C15orf40: variants seen among roughly 807,000 people sequenced by gnomAD.
The protein encoded by C15orf40 is UPF0235 protein C15orf40.
Under a neutral mutation model 13.9 loss-of-function variants are expected in C15orf40, and 9 were observed. That is an observed-to-expected ratio of 0.65 (90% CI 0.39 to 1.13). The LOEUF (loss-of-function observed/expected upper bound fraction) is 1.13. Among genes scored for constraint, C15orf40 ranks in the 50% most tolerant of loss-of-function variants. The pLI is 0.01. For missense variants in C15orf40, 225 were observed against 188.5 expected (o/e 1.19, Z -1.13); for synonymous variants, 95 against 69.2 (o/e 1.37, Z -1.85).
At chr15:82,992,518 GAAA>G (rs60038052), downstream of C15orf40, among the ~76,000 whole-genome samples, 1 of 141,102 alleles carries the variant, frequency 7.1e-6, no homozygotes, top group Non-Finnish European at 1.5e-5. Context: ...CTCTCTCAAA[GAAA>G]AAAAAAAAGA....
downstream of C15orf40, among the ~76,000 whole-genome samples, chr15:82,994,443 T>A (rs1384194398): frequency 6.6e-6 from 1 of 152,200 alleles, no homozygotes. Context: ...ATTCATTCAA[T>A]CCAAACACAG....
chr15:83,011,576 A>G lies in C15orf40; in HGVS notation c.32T>C (p.Leu11Pro). 6.2e-7 allele frequency: 1 copy of G among 1,602,432 alleles called. No homozygotes were observed. The highest frequency in any genetic ancestry group is 8.5e-7 in the Non-Finnish European group (1 of 1,177,350). The change falls in exon 1 of 4, where the codon CTT becomes CCT. Residue 11 changes from leucine to proline, a missense_variant. By Grantham distance (98) the Leu-to-Pro change is moderately conservative. Transcript: ENST00000304177. MLRLRSGLRH[L>P]RATPNTRGSA... ...GCCCCGAGTATTGGGTGTTGCCCGAAGGTGCCTCAGCCCGCTGCGGAGCCG... is the reference window on the plus strand; with the variant it reads ...GCCCCGAGTATTGGGTGTTGCCCGAGGGTGCCTCAGCCCGCTGCGGAGCCG...
At chr15:82,989,799 A>AACC, downstream of C15orf40, 1 of 1,505,114 alleles carries the variant, frequency 6.6e-7, no homozygotes, top group Non-Finnish European at 9.0e-7. Flanking sequence ...TAGAATGAGA[A>AACC]ACCAGAAGCA....
rs1389887306 is a variant in C15orf40, at chr15:82,999,773, A to AGTAC, written c.*5820_*5823dup. On this transcript the variant is annotated 3_prime_UTR_variant, in exon 4 of 4. Coordinates refer to ENST00000304177, the MANE Select transcript of C15orf40 (RefSeq NM_144597.3). ...TAGTTTTCTGTAGAAATGACCAGGG[A>AGTAC]GTACGTAACTTGTGGCTGCAAAGTT... 6.6e-6 allele frequency: 1 copy of AGTAC among 152,148 alleles called. No homozygotes were observed. The highest frequency in any genetic ancestry group is 1.5e-5 in the Non-Finnish European group (1 of 68,006). The allele number at this position is 152,148 out of a possible 1,614,324, so 9.4% of individuals were successfully genotyped here. A position where few individuals can be genotyped will look rare whatever the true frequency, so the allele number is the denominator to read the frequency against.
At position 83,001,384 on chromosome 15, in the gene C15orf40, G is replaced by C; in HGVS notation, c.*4213C>G. 2 of 774,726 alleles carry C rather than the reference G, an allele frequency of 2.6e-6. No individual in the cohort carries two copies. Among genetic ancestry groups the C allele is most frequent in the Non-Finnish European group, 3.1e-6 (2 of 637,812 alleles). The allele number at this position is 774,726 out of a possible 1,614,324, so 48.0% of individuals were successfully genotyped here. ...AGTAATTATCATTTATTAAGGTGCGGGTGATAGATGACAGATGCAGTGCTA... is the reference window on the plus strand; with the variant it reads ...AGTAATTATCATTTATTAAGGTGCGCGTGATAGATGACAGATGCAGTGCTA... On this transcript the variant is annotated 3_prime_UTR_variant, in exon 4 of 4. Coordinates refer to ENST00000304177, the MANE Select transcript of C15orf40 (RefSeq NM_144597.3).
chr15:82,992,361 C>T (rs748479636), downstream of C15orf40, among the ~76,000 whole-genome samples: 7 of 151,954 alleles, frequency 4.6e-5, no homozygotes, highest in Non-Finnish European at 8.8e-5. Context: ...ATTAAAAATA[C>T]GAAAATTAGC....
chr15:83,006,969 A>C (rs1015231522), intron 3 of C15orf40, among the ~76,000 whole-genome samples: 1 of 152,244 alleles, frequency 6.6e-6, no homozygotes, highest in Non-Finnish European at 1.5e-5. Context: ...TTTTAGGTGC[A>C]GTCTGTTAAT....
At chr15:82,994,668 T>A (rs2030980652), downstream of C15orf40, among the ~76,000 whole-genome samples, 1 of 152,204 alleles carries the variant, frequency 6.6e-6, no homozygotes, top group African/African-American at 2.4e-5. Context: ...AGATATTATA[T>A]GTAAACTATT....
rs574667776 is a variant in C15orf40, at chr15:82,998,062, C to G, written c.*7535G>C. ...GGGGCGGCTGACCCCCCATCTCCCT[C>G]CCGGACGGGGTGGCTGGCCGGGCTG... On this transcript the variant is annotated 3_prime_UTR_variant, in exon 4 of 4. Coordinates refer to ENST00000304177, the MANE Select transcript of C15orf40 (RefSeq NM_144597.3). 1.4e-5 allele frequency: 2 copies of G among 143,720 alleles called. No homozygotes were observed. Among genetic ancestry groups the G allele is most frequent in the African/African-American group, 2.7e-5 (1 of 37,708 alleles). 8.9% of individuals were successfully genotyped at this position (143,720 alleles called of 1,614,324 possible).
chr15:82,989,940 A>G (rs749792257), downstream of C15orf40: 39 of 1,611,780 alleles, frequency 2.4e-5, no homozygotes, highest in Non-Finnish European at 3.1e-5. Flanking sequence ...CCAAGTGACA[A>G]TCGATCCAAT....
intron 2 of C15orf40, among the ~76,000 whole-genome samples, chr15:83,009,140 C>G (rs1309586063): frequency 6.6e-6 from 1 of 152,130 alleles, no homozygotes; most frequent in Non-Finnish European, 1.5e-5. Flanking sequence ...TCTTATGTGA[C>G]ACATATCTTG....
At position 83,011,563 on chromosome 15, in the gene C15orf40, G is replaced by C. The variant is rs772921216; in HGVS notation, c.45C>G (p.Pro15=). The part of the protein sequence containing the change: ...RSGLRHLRAT[P]NTRGSARLLC... Reference sequence around the variant, plus strand: ...GAAGCCGAGCGGAGCCCCGAGTATTGGGTGTTGCCCGAAGGTGCCTCAGCC... The same window carrying C: ...GAAGCCGAGCGGAGCCCCGAGTATTCGGTGTTGCCCGAAGGTGCCTCAGCC... The change falls in exon 1 of 4, where the codon CCC becomes CCG. Residue 15 remains proline, a synonymous_variant. Coordinates refer to ENST00000304177, the MANE Select transcript of C15orf40 (RefSeq NM_144597.3). 1.9e-6 allele frequency: 3 copies of C among 1,605,444 alleles called. No individual in the cohort carries two copies. Among genetic ancestry groups the C allele is most frequent in the Admixed American group, 1.7e-5 (1 of 59,812 alleles).
At chr15:82,991,872 A>G, downstream of C15orf40, 9 of 1,284,650 alleles carry the variant, frequency 7.0e-6, no homozygotes, top group Non-Finnish European at 9.1e-6. Context: ...TCTAGATAGT[A>G]ATGTCCTGAC....
At chr15:82,993,269 G>A (rs987047112), downstream of C15orf40, among the ~76,000 whole-genome samples, 2 of 152,162 alleles carry the variant, frequency 1.3e-5, no homozygotes, top group Non-Finnish European at 2.9e-5. Flanking sequence ...GACACAATAG[G>A]TGCTGCATAA....
At chr15:83,007,079 C>G (rs939418017) in intron 3 of C15orf40, among the ~76,000 whole-genome samples, 4 of 151,948 alleles carry the variant, frequency 2.6e-5, no homozygotes, top group African/African-American at 7.3e-5. Context: ...GCTGGGCCCC[C>G]CTCCTGCAGA....
At chr15:83,008,394 C>G (rs1017819757) in intron 3 of C15orf40, 154 bp downstream of exon 3, 2 of 696,442 alleles carry the variant, frequency 2.9e-6, no homozygotes, top group African/African-American at 3.6e-5. Flanking sequence ...TGGCATGCGC[C>G]TATAATCCCA....
Position 82,996,155 on chromosome 15 carries a change from A to AG in C15orf40, c.*9441dup, listed in dbSNP as rs1440314677. The AG allele has an allele frequency of 6.6e-6, 1 of 152,218 alleles. No individual in the cohort carries two copies. Among genetic ancestry groups the AG allele is most frequent in the African/African-American group, 2.4e-5 (1 of 41,460 alleles). 9.4% of individuals were successfully genotyped at this position (152,218 alleles called of 1,614,324 possible). ...CTCTGGGTTTCAGTGACTCCTCCTG[A>AG]GACAGCTTCAGGGGATGATGTGATG... On this transcript the variant is annotated 3_prime_UTR_variant, in exon 4 of 4. Coordinates refer to ENST00000304177, the MANE Select transcript of C15orf40 (RefSeq NM_144597.3).
chr15:82,991,380 A>G (rs2030854978), downstream of C15orf40, among the ~76,000 whole-genome samples: 1 of 152,080 alleles, frequency 6.6e-6, no homozygotes. Flanking sequence ...CCCCGTCTCT[A>G]CTAAAAATAC....
At chr15:82,989,841 CA>C (rs1446500794), downstream of C15orf40, 1 of 1,595,010 alleles carries the variant, frequency 6.3e-7, no homozygotes, top group Non-Finnish European at 8.6e-7. Flanking sequence ...TTTTTTTTAA[CA>C]AGGGAAGTTT....
Sources: allele counts gnomAD v4.1 joint callset (sites outside exome capture counted in the v4.1 genomes callset), GRCh38; gene constraint gnomAD v4.1.1; transcripts MANE v1.5; gene names NCBI Gene and HGNC (gene_info 2026-07-23, HGNC 2026-07-21).